Variants in CALN1 observed in about 807,000 individuals in gnomAD.
The protein encoded by CALN1 is calcium-binding protein 8.
CALN1 carries 17 observed loss-of-function variants against 30.6 expected under a neutral mutation model. The ratio of observed to expected loss-of-function variants is 0.56; its 90% CI spans 0.38 to 0.83. CALN1 has a LOEUF of 0.83. Among genes scored for constraint, CALN1 ranks in the 40% least tolerant of loss-of-function variants. The pLI, the probability that CALN1 is intolerant of heterozygous loss-of-function variation, is 0.00. For synonymous variants in CALN1, 156 were observed against 131.4 expected, an observed-to-expected ratio of 1.19 and a Z score of -1.28; for missense variants, 291 against 354.9, an observed-to-expected ratio of 0.82 and a Z score of 1.45.
intron 4 of CALN1, among the ~76,000 whole-genome samples, chr7:72,079,221 C>T (rs1432327591): frequency 2.0e-5 from 3 of 152,046 alleles, no homozygotes; most frequent in Non-Finnish European, 4.4e-5. Flanking sequence ...TGGGAGACCT[C>T]GGGCAATCGA....
intron 5 of CALN1, among the ~76,000 whole-genome samples, chr7:71,887,988 G>T (rs916161638): frequency 1.3e-5 from 2 of 152,104 alleles, no homozygotes; most frequent in African/African-American, 4.8e-5. Flanking sequence ...AGGGCAACTG[G>T]TGCATATGTG....
chr7:72,338,492 T>A lies in CALN1; in HGVS notation c.120-59682A>T, dbSNP rs905487351. 1.4e-3 allele frequency among the ~76,000 whole-genome samples: 197 copies of A among 137,998 alleles called. 3 individuals carry two copies. Among genetic ancestry groups the A allele is most frequent in the African/African-American group, 5.3e-3 (184 of 34,954 alleles). The allele number at this position is 137,998 out of a possible 152,430, so 90.5% of individuals were successfully genotyped here. On this transcript the variant is annotated intron_variant, in intron 2 of 6. Coordinates refer to ENST00000395275, the MANE Select transcript of CALN1 (RefSeq NM_031468.4). ...CACAGTGTGTGTGTGTGTGTGTGTG[T>A]GTGTGTGTGTGTGTGTGTGTGTGTG... is the stretch of plus-strand genomic sequence containing the variant.
chr7:72,389,480 G>C (rs1805440568), intron 2 of CALN1, among the ~76,000 whole-genome samples: 1 of 152,158 alleles, frequency 6.6e-6, no homozygotes, highest in African/African-American at 2.4e-5. Flanking sequence ...TCAAAAATCT[G>C]AGTCTTCCCT....
chr7:72,352,743 A>G (rs1226141642), intron 2 of CALN1, among the ~76,000 whole-genome samples: 1 of 152,158 alleles, frequency 6.6e-6, no homozygotes, highest in Non-Finnish European at 1.5e-5. Flanking sequence ...AGCTAAAAAG[A>G]GAAGAACAAA....
chr7:72,314,661 C>T (rs1454176744), intron 2 of CALN1, among the ~76,000 whole-genome samples: 4 of 151,648 alleles, frequency 2.6e-5, no homozygotes, highest in Admixed American at 2.0e-4. Flanking sequence ...GTGATCTGCC[C>T]GCCTTGTCTG....
chr7:72,124,898 AAC>A (rs1002188804), intron 3 of CALN1, among the ~76,000 whole-genome samples: 35 of 152,322 alleles, frequency 2.3e-4, no homozygotes, highest in African/African-American at 7.7e-4. Flanking sequence ...CAAAAGGAAA[AAC>A]ACAGATATGC....
At chr7:72,306,466 T>A (rs1799660255) in intron 2 of CALN1, among the ~76,000 whole-genome samples, 1 of 152,096 alleles carries the variant, frequency 6.6e-6, no homozygotes. Context: ...GGAACCCAGG[T>A]CTTTAGACAA....
At chr7:72,064,861 G>T (rs1016927553) in intron 4 of CALN1, among the ~76,000 whole-genome samples, 1 of 151,736 alleles carries the variant, frequency 6.6e-6, no homozygotes, top group Non-Finnish European at 1.5e-5. Flanking sequence ...ATTGGTGCTT[G>T]CTCAGGCATT....
intron 3 of CALN1, among the ~76,000 whole-genome samples, chr7:72,190,385 G>T (rs1790517121): frequency 6.6e-6 from 1 of 152,290 alleles, no homozygotes; most frequent in Non-Finnish European, 1.5e-5. Flanking sequence ...GGTCTCTGCT[G>T]CATGAACACT....
intron 2 of CALN1, among the ~76,000 whole-genome samples, chr7:72,308,638 A>C (rs1799829371): frequency 6.6e-6 from 1 of 152,092 alleles, no homozygotes; most frequent in South Asian, 2.1e-4. Flanking sequence ...CAGAGCTACC[A>C]TCCTCCCATG....
chr7:71,792,951 GGAAGGGAGA>G (rs1640850273), intron 6 of CALN1, among the ~76,000 whole-genome samples: 1 of 151,916 alleles, frequency 6.6e-6, no homozygotes, highest in Admixed American at 6.6e-5. Context: ...CCAAGCAGTA[GGAAGGGAGA>G]GATAAGGACT....
intron 2 of CALN1, among the ~76,000 whole-genome samples, chr7:72,287,407 T>A (rs1798153822): frequency 6.6e-6 from 1 of 151,280 alleles, no homozygotes; most frequent in South Asian, 2.1e-4. Flanking sequence ...CTGAGATCTA[T>A]CTAAATCCAT....
intron 5 of CALN1, among the ~76,000 whole-genome samples, chr7:71,937,042 A>G (rs371948540): frequency 6.6e-6 from 1 of 152,170 alleles, no homozygotes; most frequent in Non-Finnish European, 1.5e-5. Flanking sequence ...AGTCTCAGGT[A>G]TGTCTGTATC....
intron 5 of CALN1, among the ~76,000 whole-genome samples, chr7:71,889,310 C>T (rs1000867379): frequency 1.3e-5 from 2 of 152,020 alleles, no homozygotes; most frequent in African/African-American, 4.8e-5. Flanking sequence ...CCTTGGGGCT[C>T]TTTTATTTAT....
intron 2 of CALN1, among the ~76,000 whole-genome samples, chr7:72,280,714 G>A (rs35069269): frequency 0.34 from 51,720 of 152,014 alleles, 10,082 homozygotes; most frequent in Middle Eastern, 0.53. Context: ...CCAAAATTTT[G>A]TGTGTCAGAA....
chr7:71,936,175 C>T (rs1437900507), intron 5 of CALN1, among the ~76,000 whole-genome samples: 2 of 152,178 alleles, frequency 1.3e-5, no homozygotes, highest in Non-Finnish European at 1.5e-5. Context: ...AGGGCCTCTT[C>T]GGCATGGCTA....
At chr7:71,980,567 T>A (rs937971089) in intron 5 of CALN1, among the ~76,000 whole-genome samples, 2 of 152,142 alleles carry the variant, frequency 1.3e-5, no homozygotes, top group African/African-American at 4.8e-5. Flanking sequence ...ATACTTTAAA[T>A]GGTTCTTATC....
chr7:71,933,709 C>T (rs1426254937), intron 5 of CALN1, among the ~76,000 whole-genome samples: 1 of 152,138 alleles, frequency 6.6e-6, no homozygotes, highest in East Asian at 1.9e-4. Context: ...TTTTTATGTT[C>T]TAGAATTAAT....
At chr7:72,239,796 G>A (rs1218607151) in intron 3 of CALN1, among the ~76,000 whole-genome samples, 1 of 152,140 alleles carries the variant, frequency 6.6e-6, no homozygotes, top group African/African-American at 2.4e-5. Flanking sequence ...GAGAGAATGT[G>A]CACCACTTAG....
Sources: allele counts gnomAD v4.1 joint callset (sites outside exome capture counted in the v4.1 genomes callset), GRCh38; gene constraint gnomAD v4.1.1; transcripts MANE v1.5; gene names NCBI Gene and HGNC (gene_info 2026-07-23, HGNC 2026-07-21).